Variants in TBC1D30 observed in about 807,000 individuals in gnomAD.
The protein encoded by TBC1D30 is TBC1 domain family member 30.
TBC1D30 carries 31 observed loss-of-function variants against 63.2 expected under a neutral mutation model. The ratio of observed to expected loss-of-function variants is 0.49; its 90% CI spans 0.37 to 0.66. The LOEUF is 0.66. Among genes scored for constraint, TBC1D30 ranks in the 30% least tolerant of loss-of-function variants. The probability of loss-of-function intolerance (pLI) is 0.00; values close to 1 mark genes in which losing one functional copy is unlikely to be tolerated. For synonymous variants in TBC1D30, 307 were observed against 361.5 expected, an observed-to-expected ratio of 0.85 and a Z score of 1.71; for missense variants, 810 against 953.6, an observed-to-expected ratio of 0.85 and a Z score of 1.98.
chr12:64,869,773 A>G (rs540606231), intron 10 of TBC1D30, among the ~76,000 whole-genome samples: 1 of 152,336 alleles, frequency 6.6e-6, no homozygotes, highest in African/African-American at 2.4e-5. Flanking sequence ...AAATGATTAC[A>G]GTAAAAAAAT....
chr12:64,797,080 C>T (rs1384246478), intron 2 of TBC1D30, among the ~76,000 whole-genome samples: 1 of 144,440 alleles, frequency 6.9e-6, no homozygotes, highest in Non-Finnish European at 1.5e-5. Context: ...TTAAGCTTTG[C>T]TGCATATTGG....
In TBC1D30 at chr12:64,833,660, C is replaced by G. The variant is rs549906418; in HGVS notation, c.594+1356C>G. ...TTGGTTTTATACAAATGATGGTGGA[C>G]TAGTTATAAATCCAGCTTGACATGA... On this transcript the variant is annotated intron_variant, in intron 5 of 11. Coordinates refer to ENST00000539867, the MANE Select transcript of TBC1D30 (RefSeq NM_015279.2). 6.2e-4 allele frequency among the ~76,000 whole-genome samples: 95 copies of G among 152,252 alleles called. No individual in the cohort carries two copies. The Middle Eastern group carries it at 0.014, about 22-fold the overall frequency.
chr12:64,827,952 G>GA, intron 2 of TBC1D30, 56 bp downstream of exon 2: 1 of 1,153,590 alleles, frequency 8.7e-7, no homozygotes, highest in Non-Finnish European at 1.2e-6. Context: ...GGCACATTGA[G>GA]ATATATTCTC....
intron 1 of TBC1D30, among the ~76,000 whole-genome samples, chr12:64,770,940 C>T (rs909650812): frequency 6.6e-6 from 1 of 151,632 alleles, no homozygotes; most frequent in African/African-American, 2.4e-5. Flanking sequence ...TCTCAATCTC[C>T]TGACCTCATG....
At chr12:64,780,610 C>G (rs1871215434) in exon 1 of TBC1D30, among the ~76,000 whole-genome samples, 1 of 152,220 alleles carries the variant, frequency 6.6e-6, no homozygotes, top group African/African-American at 2.4e-5. Flanking sequence ...CAGTCTCCTT[C>G]TCGCCCGGTC....
intron 2 of TBC1D30, among the ~76,000 whole-genome samples, chr12:64,795,819 T>TC (rs1872226253): frequency 6.6e-6 from 1 of 151,798 alleles, no homozygotes; most frequent in East Asian, 1.9e-4. Context: ...CTTTTTTTTT[T>TC]CAATCTTCCG....
chr12:64,819,406 CTTTTTTTTTTT>C (rs55757950), intron 2 of TBC1D30, among the ~76,000 whole-genome samples: 6,320 of 78,612 alleles, frequency 0.08, 489 homozygotes, highest in African/African-American at 0.26. Context: ...GAAGGAACTA[CTTTTTTTTTTT>C]TTTTTTTTTT....
intron 2 of TBC1D30, among the ~76,000 whole-genome samples, chr12:64,805,346 G>T (rs1872800786): frequency 1.3e-5 from 2 of 152,196 alleles, no homozygotes; most frequent in African/African-American, 2.4e-5. Flanking sequence ...ATAGATTGTT[G>T]TTGTTGTTTC....
chr12:64,838,992 G>A, intron 7 of TBC1D30, 141 bp downstream of exon 7: 1 of 816,904 alleles, frequency 1.2e-6, no homozygotes, highest in Non-Finnish European at 1.9e-6. Context: ...TGAAATCTCA[G>A]CAGGCTCATT....
intron 8 of TBC1D30, among the ~76,000 whole-genome samples, chr12:64,851,076 C>A (rs1295356346): frequency 2.6e-5 from 4 of 152,124 alleles, no homozygotes; most frequent in Non-Finnish European, 5.9e-5. Context: ...TTATAGTATT[C>A]TCTGATGGTA....
In TBC1D30 at chr12:64,866,860, G is replaced by C; in HGVS notation, c.1248G>C (p.Gly416=). Residue 416 remains glycine, a synonymous_variant, in exon 10 of 12, where the codon GGG becomes GGC. Coordinates refer to ENST00000539867, the MANE Select transcript of TBC1D30 (RefSeq NM_015279.2). ...NAVGCLGPFS[G]FLAPELQKYQ... is the part of the protein sequence containing the mutation. ...TGGGGTGTCTTGGACCTTTTAGTGGGTTCCTGGCTCCTGAACTGCAGAAGT... is the reference window on the plus strand; with the variant it reads ...TGGGGTGTCTTGGACCTTTTAGTGGCTTCCTGGCTCCTGAACTGCAGAAGT... The C allele has an allele frequency of 1.3e-6, 2 of 1,536,296 alleles. No individual in the cohort carries two copies. The highest frequency in any genetic ancestry group is 1.7e-6 in the Non-Finnish European group (2 of 1,146,944).
upstream of TBC1D30, among the ~76,000 whole-genome samples, chr12:64,778,359 C>T (rs1025272071): frequency 2.0e-5 from 3 of 151,844 alleles, no homozygotes; most frequent in African/African-American, 7.3e-5. Flanking sequence ...GACAAAATTC[C>T]TGCGCTCGGA....
intron 2 of TBC1D30, among the ~76,000 whole-genome samples, chr12:64,805,709 T>C (rs972898080): frequency 1.3e-5 from 2 of 152,134 alleles, no homozygotes; most frequent in African/African-American, 4.8e-5. Flanking sequence ...GGCGGGCACC[T>C]GTAGTCCCAG....
At chr12:64,792,579 T>C (rs1871985624) in intron 2 of TBC1D30, among the ~76,000 whole-genome samples, 3 of 152,174 alleles carry the variant, frequency 2.0e-5, no homozygotes, top group Admixed American at 2.0e-4. Context: ...TATTTATTTA[T>C]TTATTTTTGA....
At chr12:64,824,102 A>G (rs1333840595), upstream of TBC1D30, among the ~76,000 whole-genome samples, 2 of 150,076 alleles carry the variant, frequency 1.3e-5, no homozygotes, top group Non-Finnish European at 2.9e-5. Context: ...AATGATGGGC[A>G]ATAGTTCAGA....
chr12:64,792,258 G>T (rs571986690), intron 2 of TBC1D30, among the ~76,000 whole-genome samples: 2 of 152,276 alleles, frequency 1.3e-5, no homozygotes, highest in East Asian at 3.9e-4. Context: ...AAAGCTCCCT[G>T]TGTGCTCCTT....
Position 64,832,312 on chromosome 12 carries a change from G to T in TBC1D30, c.594+8G>T. On this transcript the variant is annotated splice_region_variant and intron_variant, in intron 5 of 11. Coordinates refer to ENST00000539867, the MANE Select transcript of TBC1D30 (RefSeq NM_015279.2). ...GAAGGGGATGCCCTGAAAGTGAGTA[G>T]CAGGCTCTGACAAAGGCCATGGACA... 6.5e-7 allele frequency: 1 copy of T among 1,534,586 alleles called. No individual in the cohort carries two copies. Among genetic ancestry groups the T allele is most frequent in the African/African-American group, 1.4e-5 (1 of 73,154 alleles).
At chr12:64,765,442 T>C (rs1170300795) in intron 1 of TBC1D30, among the ~76,000 whole-genome samples, 1 of 124,172 alleles carries the variant, frequency 8.1e-6, no homozygotes, top group African/African-American at 3.1e-5. Flanking sequence ...TGAGCCGAGA[T>C]TGCGCCACTA....
intron 2 of TBC1D30, among the ~76,000 whole-genome samples, chr12:64,799,065 G>A (rs142927921): frequency 0.024 from 3,584 of 151,960 alleles, 50 homozygotes; most frequent in African/African-American, 0.031. Context: ...TGCCCGCCTC[G>A]GCCTCCCAAA....
Sources: allele counts gnomAD v4.1 joint callset (sites outside exome capture counted in the v4.1 genomes callset), GRCh38; gene constraint gnomAD v4.1.1; transcripts MANE v1.5; gene names NCBI Gene and HGNC (gene_info 2026-07-23, HGNC 2026-07-21).